Variants in MYLK4 observed in about 807,000 individuals in gnomAD.
The protein encoded by MYLK4 is myosin light chain kinase family member 4.
Under a neutral mutation model 48.1 loss-of-function variants are expected in MYLK4, and 46 were observed. The observed-to-expected ratio is 0.96, with a 90% CI of 0.75 to 1.22. MYLK4 has a LOEUF of 1.22. Among genes scored for constraint, MYLK4 ranks in the 50% most tolerant of loss-of-function variants. The probability of loss-of-function intolerance (pLI) is 0.00; values close to 1 mark genes in which losing one functional copy is unlikely to be tolerated. For synonymous variants in MYLK4, 170 were observed against 180.8 expected (o/e 0.94, Z 0.48); for missense variants, 451 against 486.1 (o/e 0.93, Z 0.68).
chr6:2,768,578 C>T, the MYLK4 span: 3 of 790,358 alleles, frequency 3.8e-6, no homozygotes, highest in East Asian at 2.9e-5. Flanking sequence ...AGCATTCTTC[C>T]GAGGTCAAGT....
At chr6:2,731,129 C>T (rs977161433) in intron 2 of MYLK4, among the ~76,000 whole-genome samples, 1 of 152,014 alleles carries the variant, frequency 6.6e-6, no homozygotes, top group Non-Finnish European at 1.5e-5. Context: ...TTTTCAGTCC[C>T]CCAAAACATA....
chr6:2,752,214 T>C (rs1764308414), upstream of MYLK4, among the ~76,000 whole-genome samples: 1 of 152,226 alleles, frequency 6.6e-6, no homozygotes, highest in African/African-American at 2.4e-5. Flanking sequence ...AATAAACTTT[T>C]CCTTTTAGAG....
intron 2 of MYLK4, among the ~76,000 whole-genome samples, chr6:2,711,175 T>C (rs963707593): frequency 1.3e-5 from 2 of 152,346 alleles, no homozygotes; most frequent in African/African-American, 4.8e-5. Flanking sequence ...GTCCATTAAT[T>C]AACACGTATC....
chr6:2,769,056 A>G, the MYLK4 span, among the ~76,000 whole-genome samples: 1 of 152,212 alleles, frequency 6.6e-6, no homozygotes, highest in Non-Finnish European at 1.5e-5. Flanking sequence ...GTTTTTTGAT[A>G]ACAAGAAAAT....
chr6:2,766,037 T>C, the MYLK4 span: 1 of 1,301,510 alleles, frequency 7.7e-7, no homozygotes. Flanking sequence ...GAGGAAGGGG[T>C]CGGGGAAGAG....
rs780564712 is a variant in MYLK4 at position 2,685,449 on chromosome 6, G to GGGCC, written c.435+33_435+34insGGCC. 6 of 1,601,748 alleles carry GGGCC rather than the reference G, an allele frequency of 3.7e-6. No individual in the cohort carries two copies. The South Asian group carries it at 6.6e-5, about 18-fold the overall frequency. Reference sequence around the variant, plus strand: ...TGCATTAGTGTGGTCAAGATGGGGCGGGGAGGGAGGGGACCACCTCCCACA... The same window carrying GGGCC: ...TGCATTAGTGTGGTCAAGATGGGGCGGGCCGGGAGGGAGGGGACCACCTCCCACA... On this transcript the variant is annotated intron_variant, in intron 5 of 12. Coordinates refer to ENST00000274643, the MANE Select transcript of MYLK4 (RefSeq NM_001012418.5). This position sits in a 1 kb window ranked among gnomAD's most constrained non-coding sequence, Gnocchi z 4.5.
chr6:2,683,391 T>TGTGTGTGTG (rs1761397470), intron 6 of MYLK4, among the ~76,000 whole-genome samples: 2 of 126,584 alleles, frequency 1.6e-5, no homozygotes, highest in African/African-American at 2.9e-5. Context: ...CCCCACCTTT[T>TGTGTGTGTG]TGTGTGTGTG....
At chr6:2,702,155 G>A (rs1762309496) in intron 2 of MYLK4, among the ~76,000 whole-genome samples, 1 of 152,166 alleles carries the variant, frequency 6.6e-6, no homozygotes, top group South Asian at 2.1e-4. Context: ...TGGAGCTCAG[G>A]GAAGAGCATG....
At chr6:2,730,818 C>A (rs1763451690) in intron 2 of MYLK4, among the ~76,000 whole-genome samples, 1 of 152,054 alleles carries the variant, frequency 6.6e-6, no homozygotes, top group Non-Finnish European at 1.5e-5. Flanking sequence ...AAAGAAAATT[C>A]TTGACATCCT....
the MYLK4 span, chr6:2,766,355 G>T: frequency 6.2e-7 from 1 of 1,610,440 alleles, no homozygotes; most frequent in Non-Finnish European, 8.5e-7. Context: ...GCAGAGCAAG[G>T]CCGTGGGCCA....
intron 2 of MYLK4, among the ~76,000 whole-genome samples, chr6:2,694,503 G>GCGGTGGTGGTGA (rs1554128043): frequency 8.1e-5 from 1 of 12,356 alleles, no homozygotes; most frequent in Non-Finnish European, 1.4e-4. Flanking sequence ...GGTGGTGGTG[G>GCGGTGGTGGTGA]TGGTGGTGGC....
intron 2 of MYLK4, among the ~76,000 whole-genome samples, chr6:2,694,606 TGATTGTAGTGGTGA>T (rs1258258640): frequency 6.9e-6 from 1 of 145,832 alleles, no homozygotes; most frequent in Non-Finnish European, 1.5e-5. Context: ...GTGGTGGTGA[TGATTGTAGTGGTGA>T]TGGCGGTTGT....
chr6:2,746,107 A>AT (rs1012555172), intron 2 of MYLK4, among the ~76,000 whole-genome samples: 11 of 86,212 alleles, frequency 1.3e-4, no homozygotes, highest in Admixed American at 1.0e-3. Context: ...AAAAAAAAAT[A>AT]TAAAAAAAAA....
upstream of MYLK4, among the ~76,000 whole-genome samples, chr6:2,753,518 C>T (rs949994890): frequency 6.6e-6 from 1 of 152,144 alleles, no homozygotes; most frequent in African/African-American, 2.4e-5. Flanking sequence ...TGATAAATTG[C>T]ACTTCTTCAA....
intron 9 of MYLK4, 50 bp from the exon 10 acceptor site, chr6:2,678,422 C>G: frequency 6.3e-7 from 1 of 1,579,002 alleles, no homozygotes; most frequent in Non-Finnish European, 8.6e-7. Context: ...GCCTCAACCC[C>G]TTTCCATACA....
chr6:2,753,441 C>A (rs961673013), upstream of MYLK4, among the ~76,000 whole-genome samples: 2 of 152,142 alleles, frequency 1.3e-5, no homozygotes, highest in Non-Finnish European at 2.9e-5. Flanking sequence ...TCCCTGTTAC[C>A]CACATTACAA....
intron 2 of MYLK4, among the ~76,000 whole-genome samples, chr6:2,727,928 C>T (rs1319665987): frequency 7.5e-6 from 1 of 133,684 alleles, no homozygotes; most frequent in African/African-American, 2.9e-5. Context: ...GCCTGGGCGA[C>T]TGAGCAGGAC....
intron 2 of MYLK4, among the ~76,000 whole-genome samples, chr6:2,737,110 C>T (rs909347478): frequency 4.6e-5 from 7 of 152,122 alleles, no homozygotes; most frequent in African/African-American, 1.7e-4. Flanking sequence ...GTCAAGAGAT[C>T]GAGACCATCC....
intron 2 of MYLK4, among the ~76,000 whole-genome samples, chr6:2,734,178 C>T (rs930433851): frequency 6.6e-6 from 1 of 152,182 alleles, no homozygotes. Context: ...CGGGCACCTG[C>T]CAGAAGCAAC....
Sources: allele counts gnomAD v4.1 joint callset (sites outside exome capture counted in the v4.1 genomes callset), GRCh38; gene constraint gnomAD v4.1.1; non-coding constraint Gnocchi (gnomAD v3.1); transcripts MANE v1.5; gene names NCBI Gene and HGNC (gene_info 2026-07-23, HGNC 2026-07-21).